Variants in CHKA observed in about 807,000 individuals in gnomAD.
The protein encoded by CHKA is CHETK-alpha.
Under a neutral mutation model 60.1 loss-of-function variants are expected in CHKA, and 34 were observed. That is an observed-to-expected ratio of 0.57 (90% CI 0.43 to 0.75). CHKA has a LOEUF of 0.75. CHKA is among the 30% of genes least tolerant of loss of function. The pLI is 0.00. For missense variants in CHKA, 563 were observed against 561.3 expected (o/e 1.00, Z -0.03); for synonymous variants, 217 against 223.1 (o/e 0.97, Z 0.24).
chr11:68,074,719 G>T lies in CHKA; in HGVS notation c.628C>A (p.Pro210Thr). Reference sequence around the variant, plus strand: ...AAGCGTTTATGAACAAATCTTACCGGGATGAACTGCTCCAGTCGGCCTTGG... The same window carrying T: ...AAGCGTTTATGAACAAATCTTACCGTGATGAACTGCTCCAGTCGGCCTTGG... ...FPQGRLEQFI[P>T]SRRLDTEELS... The change falls in exon 4 of 12, where the codon CCG becomes ACG. Residue 210 changes from proline to threonine, a missense_variant and splice_region_variant. Transcript: ENST00000265689. 1 of 1,614,030 alleles carries T rather than the reference G, an allele frequency of 6.2e-7. No individual in the cohort carries two copies. Among genetic ancestry groups the T allele is most frequent in the South Asian group, 1.1e-5 (1 of 91,088 alleles).
intron 1 of CHKA, among the ~76,000 whole-genome samples, chr11:68,100,690 GCACACA>G (rs145597831): frequency 4.0e-5 from 6 of 149,810 alleles, no homozygotes; most frequent in African/African-American, 1.5e-4. Flanking sequence ...ATATATATAT[GCACACA>G]CACACACATA....
intron 11 of CHKA, among the ~76,000 whole-genome samples, chr11:68,055,939 T>C (rs1019062282): frequency 6.6e-6 from 1 of 151,262 alleles, no homozygotes; most frequent in Non-Finnish European, 1.5e-5. Flanking sequence ...TCCCAGCTAC[T>C]TGGGAGGCTG....
chr11:68,102,886 A>C (rs1857777761), intron 1 of CHKA, among the ~76,000 whole-genome samples: 1 of 152,142 alleles, frequency 6.6e-6, no homozygotes, highest in Non-Finnish European at 1.5e-5. Context: ...CCAGCTACTC[A>C]AGAGGCTGAG....
chr11:68,114,189 C>T (rs781624128), intron 1 of CHKA, among the ~76,000 whole-genome samples: 3 of 152,032 alleles, frequency 2.0e-5, no homozygotes, highest in Non-Finnish European at 4.4e-5. Flanking sequence ...CTAAACGTAA[C>T]TCTCACCATA....
chr11:68,061,826 G>A (rs1319161267), intron 11 of CHKA, 127 bp downstream of exon 11: 4 of 736,378 alleles, frequency 5.4e-6, no homozygotes, highest in Admixed American at 2.1e-5. Context: ...CACCACATTC[G>A]GGTACTTGGG....
chr11:68,100,928 A>C (rs1020677852), intron 1 of CHKA, among the ~76,000 whole-genome samples: 7 of 150,112 alleles, frequency 4.7e-5, no homozygotes, highest in African/African-American at 1.7e-4. Context: ...CAAGCAGTAT[A>C]AAGAGGTTCT....
rs377176560 is a variant in CHKA, at chr11:68,060,032, C to CTTTTTTTTTT, written c.1314+1911_1314+1920dup. 9.7e-5 allele frequency among the ~76,000 whole-genome samples: 13 copies of CTTTTTTTTTT among 134,216 alleles called. 3 individuals carry two copies. Among genetic ancestry groups the CTTTTTTTTTT allele is most frequent in the Non-Finnish European group, 9.5e-5 (6 of 63,232 alleles). The allele number at this position is 134,216 out of a possible 152,430, so 88.1% of individuals were successfully genotyped here. On this transcript the variant is annotated intron_variant, in intron 11 of 11. Transcript: ENST00000265689. ...TTTGTTTCTGAGATAGAGTTTCACT[C>CTTTTTTTTTT]TTTTTTTTTTGAGACCCAGAGTCTC... is the stretch of plus-strand genomic sequence containing the variant.
rs141745202 is a variant in CHKA at position 68,120,373 on chromosome 11, G to C, written c.350+455C>G. On this transcript the variant is annotated intron_variant, in intron 1 of 11. Transcript: ENST00000265689. Reference sequence around the variant, plus strand: ...ACTCCTCCACTAACAATGACTCTTGGAGAGGGAACAAGACATCAAATCGCG... The same window carrying C: ...ACTCCTCCACTAACAATGACTCTTGCAGAGGGAACAAGACATCAAATCGCG... 6.6e-5 allele frequency among the ~76,000 whole-genome samples: 10 copies of C among 152,318 alleles called. No homozygotes were observed. In the East Asian group the frequency reaches 1.9e-3, roughly 29 times the overall value.
intron 3 of CHKA, among the ~76,000 whole-genome samples, chr11:68,080,885 CAT>C (rs760017790): frequency 1.4e-4 from 21 of 152,216 alleles, no homozygotes; most frequent in Non-Finnish European, 2.5e-4. Flanking sequence ...GCCATCTGCA[CAT>C]GTGTGTTTCA....
intron 2 of CHKA, 178 bp from the exon 3 acceptor site, chr11:68,081,635 CCAA>C: frequency 1.8e-6 from 1 of 560,518 alleles, no homozygotes; most frequent in Non-Finnish European, 3.2e-6. Context: ...AGCACTAGTA[CCAA>C]CACCTTAGAA....
intron 2 of CHKA, among the ~76,000 whole-genome samples, chr11:68,091,825 C>T (rs1004161164): frequency 1.3e-5 from 2 of 151,980 alleles, no homozygotes; most frequent in African/African-American, 2.4e-5. Context: ...GATCAAAGAA[C>T]GTGTAAAATG....
intron 1 of CHKA, among the ~76,000 whole-genome samples, chr11:68,117,271 G>T (rs752652154): frequency 2.0e-5 from 3 of 152,128 alleles, no homozygotes; most frequent in Non-Finnish European, 2.9e-5. Flanking sequence ...GAAAGGCCTG[G>T]AAACTGAAAA....
In CHKA at chr11:68,121,281, G is replaced by T; in HGVS notation, c.-104C>A. The stretch of plus-strand genomic sequence containing the variant: ...GCCGCTCTCTCACTGGCAGGCCGGC[G>T]GGGCAGGGGGCCGCGGCGGTTGGGC... On this transcript the variant is annotated 5_prime_UTR_variant, in exon 1 of 12. Transcript: ENST00000265689. 1 of 954,398 alleles carries T rather than the reference G, an allele frequency of 1.0e-6. No individual in the cohort carries two copies. The highest frequency in any genetic ancestry group is 7.8e-5 in the East Asian group (1 of 12,818). 59.1% of individuals were successfully genotyped at this position (954,398 alleles called of 1,614,324 possible).
chr11:68,116,516 A>G (rs762355836), intron 1 of CHKA, among the ~76,000 whole-genome samples: 1 of 152,108 alleles, frequency 6.6e-6, no homozygotes, highest in Non-Finnish European at 1.5e-5. Flanking sequence ...GTTCAAGACC[A>G]GCCTGGCCAA....
intron 1 of CHKA, among the ~76,000 whole-genome samples, chr11:68,113,458 A>G (rs949992209): frequency 1.2e-4 from 18 of 152,146 alleles, no homozygotes; most frequent in African/African-American, 4.3e-4. Context: ...GCACTTTGGG[A>G]GGCCGAGGTG....
intron 1 of CHKA, among the ~76,000 whole-genome samples, chr11:68,114,025 C>T (rs993962454): frequency 1.3e-5 from 2 of 152,104 alleles, no homozygotes; most frequent in Non-Finnish European, 2.9e-5. Context: ...AAATGAGAGA[C>T]CATTATACGC....
At chr11:68,065,147 C>T (rs1287690336) in intron 9 of CHKA, among the ~76,000 whole-genome samples, 1 of 152,186 alleles carries the variant, frequency 6.6e-6, no homozygotes, top group Non-Finnish European at 1.5e-5. Flanking sequence ...AAGATTACTT[C>T]TCTCTCCATA....
In CHKA at chr11:68,055,072, G is replaced by A. The variant is rs137933142; in HGVS notation, c.1315-1025C>T. On this transcript the variant is annotated intron_variant, in intron 11 of 11. Coordinates refer to ENST00000265689, the MANE Select transcript of CHKA (RefSeq NM_001277.3). ...CCACACACCTGCTGACTGGCATTTAGGCTGCTTCCAGTTTGGGACGATTAT... is the reference window on the plus strand; with the variant it reads ...CCACACACCTGCTGACTGGCATTTAAGCTGCTTCCAGTTTGGGACGATTAT... Among the ~76,000 whole-genome samples the A allele has an allele frequency of 1.1e-4, 16 of 152,304 alleles. 1 individual carries two copies. In the East Asian group the frequency reaches 3.1e-3, roughly 29 times the overall value.
Position 68,120,863 on chromosome 11 carries a change from GC to G in CHKA, c.314del (p.Gly105AlafsTer50), listed in dbSNP as rs1281413152. The G allele has an allele frequency of 3.7e-6, 5 of 1,354,238 alleles. No homozygotes were observed. The highest frequency in any genetic ancestry group is 2.9e-6 in the Non-Finnish European group (3 of 1,038,692). The allele number at this position is 1,354,238 out of a possible 1,614,324, so 83.9% of individuals were successfully genotyped here. ...CKEFLPGAWR[G>X]LREDEFHISV... ...TGATGTGGAACTCGTCCTCGCGGAG[GC>G]CCCGCCAGGCGCCGGGCAGGAACTC... On this transcript the variant is annotated frameshift_variant, in exon 1 of 12. Coordinates refer to ENST00000265689, the MANE Select transcript of CHKA (RefSeq NM_001277.3). LOFTEE classifies it high-confidence loss of function.
Sources: gnomAD v4.1 joint callset for allele counts (sites outside exome capture counted in the v4.1 genomes callset) on GRCh38, gnomAD v4.1.1 for gene constraint, MANE v1.5 for transcripts, NCBI Gene and HGNC (gene_info 2026-07-23, HGNC 2026-07-21) for gene names.